The following PRAG1 variants were observed in gnomAD, a reference collection of about 807,000 sequenced individuals.
The protein encoded by PRAG1 is PEAK1 related, kinase-activating pseudokinase 1.
In PRAG1, 110 loss-of-function variants were observed where a neutral mutation model predicts 95.6. The ratio of observed to expected loss-of-function variants is 1.15; its 90% confidence interval spans 0.99 to 1.35. PRAG1 has a LOEUF of 1.35. PRAG1 is among the 40% of genes most tolerant of loss of function. The pLI is 0.00. For synonymous variants in PRAG1, 1,052 were observed against 819.4 expected (o/e 1.28, Z -4.85); for missense variants, 2,554 against 1,864.7 (o/e 1.37, Z -6.81).
rs542833397 is a variant in PRAG1 at position 8,361,980 on chromosome 8, A to G, written c.2162+14267T>C. Among the ~76,000 whole-genome samples, 4 of 152,280 alleles carry G rather than the reference A, an allele frequency of 2.6e-5. No individual in the cohort carries two copies. In the East Asian group the frequency reaches 7.7e-4, roughly 29 times the overall value. On this transcript the variant is annotated intron_variant, in intron 3 of 5. Transcript: ENST00000615670. ...CCATACTGAATGCTGGGTAGACTCAACTTCTTAATTCTAGAGACTTCTTGT... is the reference window on the plus strand; with the variant it reads ...CCATACTGAATGCTGGGTAGACTCAGCTTCTTAATTCTAGAGACTTCTTGT...
intron 4 of PRAG1, among the ~76,000 whole-genome samples, chr8:8,334,267 T>G (rs1341818962): frequency 6.6e-6 from 1 of 152,026 alleles, no homozygotes. Context: ...TGAAACCCTG[T>G]CTCTACTAAA....
chr8:8,374,844 G>GA, intron 3 of PRAG1: 1 of 221,234 alleles, frequency 4.5e-6, no homozygotes, highest in South Asian at 1.7e-4. Context: ...TCAAAGTCAA[G>GA]CGTCCTGACT....
chr8:8,367,012 C>G (rs1313095812), intron 3 of PRAG1, among the ~76,000 whole-genome samples: 1 of 152,016 alleles, frequency 6.6e-6, no homozygotes, highest in Non-Finnish European at 1.5e-5. Context: ...GATTTTATGG[C>G]TGAATCAGCA....
In PRAG1 at chr8:8,374,891, C is replaced by T. The variant is rs531366914; in HGVS notation, c.2162+1356G>A. On this transcript the variant is annotated intron_variant, in intron 3 of 5. Transcript: ENST00000615670. ...TGGTCAATTTCCTTGTTTCTGACATCAGCCCAGAGGCACATCAGCTGAAAC... is the reference window on the plus strand; with the variant it reads ...TGGTCAATTTCCTTGTTTCTGACATTAGCCCAGAGGCACATCAGCTGAAAC... Among the ~76,000 whole-genome samples, 3 of 152,242 alleles carry T rather than the reference C, an allele frequency of 2.0e-5. No individual in the cohort carries two copies. In the East Asian group the frequency reaches 5.8e-4, roughly 29 times the overall value.
At chr8:8,321,191 C>T (rs757114291) in intron 5 of PRAG1, among the ~76,000 whole-genome samples, 6 of 152,136 alleles carry the variant, frequency 3.9e-5, no homozygotes, top group Non-Finnish European at 8.8e-5. Context: ...TTTAAGCGAT[C>T]CTCCCACCTC....
At chr8:8,333,415 T>G (rs991326838) in intron 4 of PRAG1, among the ~76,000 whole-genome samples, 1 of 152,218 alleles carries the variant, frequency 6.6e-6, no homozygotes, top group African/African-American at 2.4e-5. Context: ...ATATCACGTA[T>G]GCTGCACTGG....
chr8:8,340,110 T>G (rs948383945), intron 3 of PRAG1, among the ~76,000 whole-genome samples: 1 of 152,240 alleles, frequency 6.6e-6, no homozygotes, highest in Non-Finnish European at 1.5e-5. Flanking sequence ...CTGGTACTCT[T>G]TTGCCAAAGC....
At chr8:8,361,385 G>C (rs1799843161) in intron 3 of PRAG1, among the ~76,000 whole-genome samples, 1 of 152,228 alleles carries the variant, frequency 6.6e-6, no homozygotes, top group African/African-American at 2.4e-5. Context: ...GCCTGGAGCA[G>C]CAGTCAGGTC....
At position 8,378,015 on chromosome 8, in the gene PRAG1, A is replaced by G. The variant is rs767346709; in HGVS notation, c.394T>C (p.Tyr132His). 3.1e-6 allele frequency: 5 copies of G among 1,587,996 alleles called. No individual in the cohort carries two copies. The highest frequency in any genetic ancestry group is 4.3e-6 in the Non-Finnish European group (5 of 1,165,620). ...LPKQEDAPVV[Y>H]LGSFRGVQKP... is the part of the protein sequence containing the mutation. ...TGTACACCTCGGAAGCTGCCCAGGT[A>G]GACGACGGGGGCATCCTCCTGCTTC... is the stretch of plus-strand genomic sequence containing the variant. The change falls in exon 3 of 6, where the codon TAC (tyrosine) becomes CAC (histidine). Residue 132 changes from tyrosine (Y) to histidine (H), a missense_variant. Tyr to His is a moderately conservative substitution (Grantham distance 83). Transcript: ENST00000615670.
intron 3 of PRAG1, among the ~76,000 whole-genome samples, chr8:8,364,790 G>A (rs77607147): frequency 5.5e-4 from 84 of 151,972 alleles, no homozygotes; most frequent in African/African-American, 1.8e-3. Flanking sequence ...AATATTTAGC[G>A]ATCAAATGAA....
intron 2 of PRAG1, among the ~76,000 whole-genome samples, chr8:8,378,551 G>A (rs1328776432): frequency 6.6e-6 from 1 of 152,120 alleles, no homozygotes; most frequent in Non-Finnish European, 1.5e-5. Flanking sequence ...AGTCTTAAGT[G>A]TTTTTAAAAC....
chr8:8,378,086 C>A lies in PRAG1; in HGVS notation c.331-8G>T. 2 of 1,518,384 alleles carry A rather than the reference C, an allele frequency of 1.3e-6. No individual in the cohort carries two copies. The highest frequency in any genetic ancestry group is 1.3e-5 in the South Asian group (1 of 75,668). 94.1% of individuals were successfully genotyped at this position (1,518,384 alleles called of 1,614,324 possible). A position where few individuals can be genotyped will look rare whatever the true frequency, so the allele number is the denominator to read the frequency against. ...GGCTCGTCTCCAGATGACCTACACA[C>A]AAGCCCAACGCAAAAAGACTTATAT... is the stretch of plus-strand genomic sequence containing the variant. On this transcript the variant is annotated splice_polypyrimidine_tract_variant and splice_region_variant and intron_variant, in intron 2 of 5. Transcript: ENST00000615670.
chr8:8,344,197 A>G (rs924331264), intron 3 of PRAG1, among the ~76,000 whole-genome samples: 4 of 152,214 alleles, frequency 2.6e-5, no homozygotes, highest in African/African-American at 9.6e-5. Context: ...TCACAACGTT[A>G]CAAATAGCAA....
chr8:8,342,333 CAGG>C (rs1286168329), intron 3 of PRAG1, among the ~76,000 whole-genome samples: 40 of 151,390 alleles, frequency 2.6e-4, no homozygotes, highest in Non-Finnish European at 5.3e-4. Flanking sequence ...GCTGGGACTA[CAGG>C]AGGCGCCCAC....
At position 8,377,699 on chromosome 8, in the gene PRAG1, T is replaced by A; in HGVS notation, c.710A>T (p.Asp237Val). The change falls in exon 3 of 6, where the codon GAC (aspartate) becomes GTC (valine). Residue 237 changes from aspartate (D) to valine (V), a missense_variant. By Grantham distance (152) the Asp-to-Val change is radical (BLOSUM62 -3). Coordinates refer to ENST00000615670, the MANE Select transcript of PRAG1 (RefSeq NM_001080826.3). ...GGAGGGCGAGCACCTTTGATCACTG[T>A]CATCCTCCGAGGGCAGGGATTCCCG... is the stretch of plus-strand genomic sequence containing the variant. ...PLRESLPSED[D>V]SDQRCSPSGD... 1 of 1,613,828 alleles carries A rather than the reference T, an allele frequency of 6.2e-7. No individual in the cohort carries two copies. Among genetic ancestry groups the A allele is most frequent in the Non-Finnish European group, 8.5e-7 (1 of 1,179,970 alleles).
At chr8:8,348,751 C>G (rs1413607141) in intron 3 of PRAG1, among the ~76,000 whole-genome samples, 1 of 152,188 alleles carries the variant, frequency 6.6e-6, no homozygotes, top group Non-Finnish European at 1.5e-5. Context: ...GTAACTGACA[C>G]TGCACTGAGT....
At chr8:8,379,464 T>G (rs1409330862) in intron 2 of PRAG1, among the ~76,000 whole-genome samples, 1 of 152,154 alleles carries the variant, frequency 6.6e-6, no homozygotes. Context: ...TGGTGAAGGT[T>G]GAAGGTATTG....
chr8:8,343,751 A>G (rs2176631), intron 3 of PRAG1, among the ~76,000 whole-genome samples: 109,912 of 152,058 alleles, frequency 0.72, 40,953 homozygotes, highest in African/African-American at 0.89. Context: ...CTGGAAAGCC[A>G]CCATAGAAAT....
chr8:8,326,062 T>A (rs1798627778), intron 5 of PRAG1, among the ~76,000 whole-genome samples: 1 of 149,830 alleles, frequency 6.7e-6, no homozygotes, highest in South Asian at 2.1e-4. Context: ...AACAGAAAGG[T>A]CAGCTGTCTC....
Sources: gnomAD v4.1 joint callset for allele counts (sites outside exome capture counted in the v4.1 genomes callset) on GRCh38, gnomAD v4.1.1 for gene constraint, MANE v1.5 for transcripts, NCBI Gene and HGNC (gene_info 2026-07-23, HGNC 2026-07-21) for gene names.